UMOD: variants seen among roughly 807,000 people sequenced by gnomAD.
UMOD encodes Tamm-Horsfall urinary glycoprotein.
A neutral mutation model predicts 66.0 loss-of-function variants in UMOD; 64 were observed. That is an observed-to-expected ratio of 0.97 (90% confidence interval 0.79 to 1.19). The LOEUF is 1.19. Among genes scored for constraint, UMOD ranks in the 50% most tolerant of loss-of-function variants. The pLI is 0.00. For missense variants in UMOD, 764 were observed against 850.9 expected (o/e 0.90, Z 1.27); for synonymous variants, 398 against 352.7 (o/e 1.13, Z -1.44).
At chr16:20,349,671 G>GCCACATTC (rs71149135) in intron 2 of UMOD, 246,769 of 1,448,522 alleles carry the variant, frequency 0.17, 22,471 homozygotes, top group Middle Eastern at 0.19. Flanking sequence ...TTTTAAAATA[G>GCCACATTC]CCACATTCAG....
intron 10 of UMOD, among the ~76,000 whole-genome samples, chr16:20,334,858 G>T (rs111484604): frequency 0.035 from 5,163 of 149,330 alleles, 167 homozygotes; most frequent in African/African-American, 0.081. Flanking sequence ...TTTTGAGATG[G>T]ATCTTGCTTT....
rs187437846 is a variant in UMOD, at chr16:20,338,727, C to T, written c.1578-1274G>A. Among the ~76,000 whole-genome samples the T allele has an allele frequency of 8.4e-4, 127 of 151,966 alleles. 1 individual carries two copies. The Middle Eastern group carries it at 0.017, about 20-fold the overall frequency. On this transcript the variant is annotated intron_variant, in intron 7 of 10. Transcript: ENST00000396138. ...CAGGCTGGTCTCGAACTCCTGACCT[C>T]GTGATCCACCTGCCTCGGCCTCCCT...
At chr16:20,346,636 A>T (rs191637934) in intron 4 of UMOD, among the ~76,000 whole-genome samples, 1 of 152,286 alleles carries the variant, frequency 6.6e-6, no homozygotes, top group East Asian at 1.9e-4. Context: ...ATACTCGTTT[A>T]AAAAAATAAA....
In UMOD at chr16:20,337,347, C is replaced by T. The variant is rs1476429639; in HGVS notation, c.1684G>A (p.Val562Ile). 1.2e-6 allele frequency: 2 copies of T among 1,614,188 alleles called. No homozygotes were observed. Among genetic ancestry groups the T allele is most frequent in the Non-Finnish European group, 1.7e-6 (2 of 1,180,036 alleles). The change falls in exon 8 of 11, where the codon GTC (valine) becomes ATC (isoleucine). Residue 562 changes from valine to isoleucine, a missense_variant. Val to Ile is a conservative substitution (Grantham distance 29). Transcript: ENST00000396138. The part of the protein sequence containing the change: ...MFRFAGNYDL[V>I]YLHCEVYLCD... Reference sequence around the variant, plus strand: ...AGATAGACTTCACAGTGCAGGTAGACTAGGTCATAGTTTCCAGCAAACCGG... The same window carrying T: ...AGATAGACTTCACAGTGCAGGTAGATTAGGTCATAGTTTCCAGCAAACCGG...
chr16:20,343,317 G>A (rs991855635), intron 6 of UMOD, among the ~76,000 whole-genome samples: 32 of 152,236 alleles, frequency 2.1e-4, no homozygotes, highest in African/African-American at 7.5e-4. Context: ...TACCCCTGTA[G>A]GCACTCTGCC....
upstream of UMOD, chr16:20,352,994 A>G: frequency 2.9e-6 from 1 of 341,356 alleles, no homozygotes. Context: ...TTCCATAGTT[A>G]GAAATTAACT....
intron 1 of UMOD, chr16:20,352,481 C>A (rs1965947128): frequency 2.5e-6 from 1 of 397,736 alleles, no homozygotes; most frequent in Admixed American, 4.4e-5. Context: ...TGGAATAAGT[C>A]AAAAAATAGT....
chr16:20,337,511 C>T, intron 7 of UMOD, 58 bp from the exon 8 acceptor site: 3 of 1,607,902 alleles, frequency 1.9e-6, no homozygotes, highest in Non-Finnish European at 2.6e-6. Context: ...TGGAGTCAGA[C>T]TTCCTGGATT....
chr16:20,345,515 C>CCTAA, intron 5 of UMOD, among the ~76,000 whole-genome samples: 1 of 110,908 alleles, frequency 9.0e-6, no homozygotes, highest in Non-Finnish European at 1.8e-5. Flanking sequence ...TTCCTTCCTT[C>CCTAA]CTTCCTTCCT....
At chr16:20,354,872 A>T (rs968770923), upstream of UMOD, among the ~76,000 whole-genome samples, 4 of 152,116 alleles carry the variant, frequency 2.6e-5, no homozygotes, top group African/African-American at 9.7e-5. Flanking sequence ...TCCAGACCAC[A>T]TACCCCCAAC....
intron 10 of UMOD, among the ~76,000 whole-genome samples, chr16:20,334,410 T>C (rs974043326): frequency 6.6e-6 from 1 of 152,140 alleles, no homozygotes; most frequent in African/African-American, 2.4e-5. Context: ...GGTACAGGTT[T>C]CCAATAAGTG....
Position 20,350,787 on chromosome 16 carries a change from G to A in UMOD, c.-50C>T. The A allele has an allele frequency of 6.2e-7, 1 of 1,613,006 alleles. No homozygotes were observed. The highest frequency in any genetic ancestry group is 1.1e-5 in the South Asian group (1 of 90,844). On this transcript the variant is annotated 5_prime_UTR_variant, in exon 2 of 11. Coordinates refer to ENST00000396138, the MANE Select transcript of UMOD (RefSeq NM_003361.4). ...AGGTCTAGATAGCACCTGCCCAAAG[G>A]AAAGACGGGTTGGCCCTTTGAATTT...
chr16:20,352,669 A>G lies in UMOD; in HGVS notation c.-103+20T>C. 8.1e-7 allele frequency: 1 copy of G among 1,231,576 alleles called. No individual in the cohort carries two copies. The highest frequency in any genetic ancestry group is 1.0e-6 in the Non-Finnish European group (1 of 987,858). The allele number at this position is 1,231,576 out of a possible 1,614,324, so 76.3% of individuals were successfully genotyped here. A position where few individuals can be genotyped will look rare whatever the true frequency, so the allele number is the denominator to read the frequency against. Reference sequence around the variant, plus strand: ...TGGGGAGAAGCTGGGCTAGGAGAAGACAGCTACAGATAGCCTTACCTGAAG... The same window carrying G: ...TGGGGAGAAGCTGGGCTAGGAGAAGGCAGCTACAGATAGCCTTACCTGAAG... On this transcript the variant is annotated intron_variant, in intron 1 of 10. Coordinates refer to ENST00000396138, the MANE Select transcript of UMOD (RefSeq NM_003361.4).
chr16:20,337,433 G>GGGCACTCT lies in UMOD; in HGVS notation c.1597_1598insAGAGTGCC (p.Ser533Ter), dbSNP rs757558980. 1 of 1,614,216 alleles carries GGGCACTCT rather than the reference G, an allele frequency of 6.2e-7. No homozygotes were observed. The highest frequency in any genetic ancestry group is 2.2e-5 in the East Asian group (1 of 44,878). The stretch of plus-strand genomic sequence containing the variant: ...CCCATTCTCCACCACTTGGATAGTT[G>GGGCACTCT]AGTCTCTAGTGTGTGGGCATCTGGG... On this transcript the variant is annotated stop_gained and frameshift_variant, in exon 8 of 11. Transcript: ENST00000396138. LOFTEE classifies it high-confidence loss of function.
At chr16:20,335,545 G>GTGA (rs1567299182) in intron 9 of UMOD, 25 bp from the exon 10 acceptor site, 4 of 1,612,992 alleles carry the variant, frequency 2.5e-6, no homozygotes. Flanking sequence ...AGAAGGATCA[G>GTGA]TGAATAAAGA....
chr16:20,342,167 A>G (rs1343849862), intron 6 of UMOD, among the ~76,000 whole-genome samples: 5 of 152,210 alleles, frequency 3.3e-5, no homozygotes, highest in Non-Finnish European at 7.3e-5. Flanking sequence ...CCATGTAACA[A>G]GACCCTGTCT....
rs372294954 is a variant in UMOD, at chr16:20,350,677, T to C, written c.61A>G (p.Thr21Ala). 3.7e-6 allele frequency: 6 copies of C among 1,614,054 alleles called. No homozygotes were observed. The highest frequency in any genetic ancestry group is 5.1e-6 in the Non-Finnish European group (6 of 1,180,046). ...MVVVASWFITTAATDTSEARW... is the reference protein window; with the variant it reads ...MVVVASWFITAAATDTSEARW... The stretch of plus-strand genomic sequence containing the variant: ...GCTTCTGAGGTGTCAGTGGCTGCAG[T>C]TGTGATGAACCAAGAGGCCACCACC... Residue 21 changes from threonine (T) to alanine (A), a missense_variant, in exon 2 of 11, where the codon ACT becomes GCT. Transcript: ENST00000396138.
chr16:20,336,585 C>T (rs1349996747), intron 9 of UMOD, 61 bp downstream of exon 9: 3 of 1,522,500 alleles, frequency 2.0e-6, no homozygotes, highest in East Asian at 2.3e-5. Flanking sequence ...CTCTGTTATC[C>T]CTCTTCCTCT....
intron 1 of UMOD, among the ~76,000 whole-genome samples, chr16:20,352,020 C>CA (rs1965923936): frequency 7.1e-6 from 1 of 140,226 alleles, no homozygotes; most frequent in Non-Finnish European, 1.5e-5. Context: ...TCCCCCCCCC[C>CA]CAAAAAAAAA....
Sources: gnomAD v4.1 joint callset for allele counts (sites outside exome capture counted in the v4.1 genomes callset) on GRCh38, gnomAD v4.1.1 for gene constraint, MANE v1.5 for transcripts, NCBI Gene and HGNC (gene_info 2026-07-23, HGNC 2026-07-21) for gene names.